The following UNC5D variants were observed in gnomAD, a reference collection of about 807,000 sequenced individuals.
UNC5D encodes unc-5 netrin receptor D.
A neutral mutation model predicts 105.4 loss-of-function variants in UNC5D; 39 were observed. That is an observed-to-expected ratio of 0.37 (90% CI 0.29 to 0.48). The LOEUF is 0.48. Ranked by LOEUF, UNC5D falls within the 20% of genes least tolerant of loss-of-function variation. The pLI is 0.98. For missense variants in UNC5D, 991 were observed against 1,202.4 expected, an observed-to-expected ratio of 0.82 and a Z score of 2.60; for synonymous variants, 452 against 450.4, an observed-to-expected ratio of 1.00 and a Z score of -0.04.
intron 1 of UNC5D, among the ~76,000 whole-genome samples, chr8:35,288,412 A>G (rs903568372): frequency 2.6e-5 from 4 of 152,260 alleles, no homozygotes; most frequent in East Asian, 1.9e-4. Flanking sequence ...AAAAACAGAC[A>G]AACAAAAGCT....
chr8:35,664,913 T>G (rs1226945481), intron 4 of UNC5D, among the ~76,000 whole-genome samples: 1 of 152,138 alleles, frequency 6.6e-6, no homozygotes, highest in African/African-American at 2.4e-5. Context: ...GGTTTGATCA[T>G]AACTCAAACT....
At chr8:35,385,378 T>G (rs1015823266) in intron 1 of UNC5D, among the ~76,000 whole-genome samples, 3 of 151,742 alleles carry the variant, frequency 2.0e-5, no homozygotes, top group African/African-American at 7.3e-5. Flanking sequence ...GAATCCTACA[T>G]GCCACCAATC....
intron 4 of UNC5D, among the ~76,000 whole-genome samples, chr8:35,682,171 G>T (rs955578972): frequency 6.6e-6 from 1 of 152,144 alleles, no homozygotes; most frequent in African/African-American, 2.4e-5. Flanking sequence ...CACCATGTTG[G>T]TCAGGCTGGT....
In UNC5D at chr8:35,696,771, C is replaced by T. The variant is rs537157935; in HGVS notation, c.1085-9158C>T. Among the ~76,000 whole-genome samples the T allele has an allele frequency of 4.6e-4, 70 of 152,238 alleles. 1 individual carries two copies. Among genetic ancestry groups the T allele is most frequent in the African/African-American group, 1.2e-3 (50 of 41,548 alleles). On this transcript the variant is annotated intron_variant, in intron 7 of 16. Coordinates refer to ENST00000404895, the MANE Select transcript of UNC5D (RefSeq NM_080872.4). ...AGATGAGACTAACATCATCAATAGA[C>T]GCTATCATTAACTCTATTAACCCTG...
intron 11 of UNC5D, among the ~76,000 whole-genome samples, chr8:35,744,705 C>T (rs140407818): frequency 2.1e-4 from 32 of 152,078 alleles, no homozygotes; most frequent in East Asian, 1.4e-3. Context: ...GTGCTTACAG[C>T]GGGCATGTAT....
At chr8:35,510,579 G>C (rs1160230845) in intron 1 of UNC5D, among the ~76,000 whole-genome samples, 1 of 152,082 alleles carries the variant, frequency 6.6e-6, no homozygotes, top group Non-Finnish European at 1.5e-5. Flanking sequence ...AGGTGGCCCT[G>C]AGACCAAGAA....
chr8:35,314,994 G>A (rs984843172), intron 1 of UNC5D, among the ~76,000 whole-genome samples: 2 of 152,116 alleles, frequency 1.3e-5, no homozygotes, highest in African/African-American at 2.4e-5. Context: ...TGAGAGTAAG[G>A]ACAGCAGTAT....
intron 16 of UNC5D, among the ~76,000 whole-genome samples, chr8:35,784,636 T>A (rs1354953729): frequency 1.3e-5 from 2 of 152,036 alleles, no homozygotes; most frequent in Non-Finnish European, 2.9e-5. Context: ...TAATCCCTGC[T>A]ACTCGGGAGG....
At chr8:35,703,078 G>T (rs189335351) in intron 7 of UNC5D, among the ~76,000 whole-genome samples, 92 of 151,930 alleles carry the variant, frequency 6.1e-4, no homozygotes, top group African/African-American at 2.1e-3. Context: ...TATTAGCAGA[G>T]GCCGGAACTA....
intron 4 of UNC5D, among the ~76,000 whole-genome samples, chr8:35,629,657 C>G (rs988793066): frequency 1.3e-5 from 2 of 152,068 alleles, no homozygotes; most frequent in Non-Finnish European, 2.9e-5. Context: ...AATATACCCA[C>G]GTAACAATCA....
chr8:35,555,986 A>G (rs193036955), intron 2 of UNC5D, among the ~76,000 whole-genome samples: 1 of 151,654 alleles, frequency 6.6e-6, no homozygotes, highest in Admixed American at 6.6e-5. Context: ...TAGAGGAAGC[A>G]ATGTTTGAAA....
intron 4 of UNC5D, among the ~76,000 whole-genome samples, chr8:35,648,717 G>GCT (rs1179612820): frequency 2.0e-5 from 3 of 148,996 alleles, no homozygotes; most frequent in Non-Finnish European, 4.4e-5. Context: ...GAGATCTCCA[G>GCT]CTCTTTCTAA....
At chr8:35,387,383 G>A (rs1056320492) in intron 1 of UNC5D, among the ~76,000 whole-genome samples, 1 of 128,014 alleles carries the variant, frequency 7.8e-6, no homozygotes, top group Admixed American at 7.9e-5. Context: ...AAAGAGAAAC[G>A]CAGATTCTCA....
chr8:35,622,070 G>A lies in UNC5D; in HGVS notation c.570+26413G>A, dbSNP rs184787232. On this transcript the variant is annotated intron_variant, in intron 4 of 16. Transcript: ENST00000404895. Reference sequence around the variant, plus strand: ...TTAAAATCCTGAGAGGGGGCCGGGCGCGGTGGCTCACACCTGTAATCCCAG... The same window carrying A: ...TTAAAATCCTGAGAGGGGGCCGGGCACGGTGGCTCACACCTGTAATCCCAG... 2.6e-3 allele frequency among the ~76,000 whole-genome samples: 394 copies of A among 152,164 alleles called. 1 individual carries two copies. Among genetic ancestry groups the A allele is most frequent in the African/African-American group, 8.2e-3 (340 of 41,510 alleles).
At position 35,294,318 on chromosome 8, in the gene UNC5D, T is replaced by C. The variant is rs867342287; in HGVS notation, c.103+58431T>C. 7.9e-5 allele frequency among the ~76,000 whole-genome samples: 12 copies of C among 152,178 alleles called. 1 individual carries two copies. Among genetic ancestry groups the C allele is most frequent in the African/African-American group, 2.7e-4 (11 of 41,446 alleles). On this transcript the variant is annotated intron_variant, in intron 1 of 16. Coordinates refer to ENST00000404895, the MANE Select transcript of UNC5D (RefSeq NM_080872.4). Reference sequence around the variant, plus strand: ...TCTCCTCCAGACTAGAGCATTTACATTTGCATTAAAAACCTGTTCAGGTAG... The same window carrying C: ...TCTCCTCCAGACTAGAGCATTTACACTTGCATTAAAAACCTGTTCAGGTAG...
chr8:35,468,378 G>A (rs963125952), intron 1 of UNC5D, among the ~76,000 whole-genome samples: 1 of 152,118 alleles, frequency 6.6e-6, no homozygotes, highest in African/African-American at 2.4e-5. Context: ...GTAAAATAAT[G>A]CATTGTTGTA....
In UNC5D at chr8:35,384,386, C is replaced by T. The variant is rs1478059602; in HGVS notation, c.103+148499C>T. The stretch of plus-strand genomic sequence containing the variant: ...CGTACTATAAATATGGGTGCACTCA[C>T]ATGTATGCATTCTAACACGTCTGGT... On this transcript the variant is annotated intron_variant, in intron 1 of 16. Transcript: ENST00000404895. Among the ~76,000 whole-genome samples the T allele has an allele frequency of 9.2e-5, 14 of 152,270 alleles. No individual in the cohort carries two copies. The South Asian group carries it at 2.3e-3, about 25-fold the overall frequency.
intron 11 of UNC5D, among the ~76,000 whole-genome samples, chr8:35,746,943 A>G (rs1338573788): frequency 1.3e-5 from 2 of 152,154 alleles, no homozygotes; most frequent in African/African-American, 4.8e-5. Context: ...AACCTTGAGT[A>G]TGTTATTCTA....
intron 9 of UNC5D, among the ~76,000 whole-genome samples, chr8:35,723,968 C>G (rs1345642992): frequency 6.6e-6 from 1 of 151,870 alleles, no homozygotes. Context: ...AGGATGAAAT[C>G]ACCTGGAATA....
Sources: allele counts gnomAD v4.1 joint callset (sites outside exome capture counted in the v4.1 genomes callset), GRCh38; gene constraint gnomAD v4.1.1; transcripts MANE v1.5; gene names NCBI Gene and HGNC (gene_info 2026-07-23, HGNC 2026-07-21).